The following SAMD5 variants were observed in gnomAD, a reference collection of about 807,000 sequenced individuals.
SAMD5 encodes the protein sterile alpha motif domain containing 5.
A neutral mutation model predicts 11.3 loss-of-function variants in SAMD5; 13 were observed. The ratio of observed to expected loss-of-function variants is 1.15; its 90% CI spans 0.75 to 1.83. The LOEUF (loss-of-function observed/expected upper bound fraction) is 1.83, where lower values mean the gene tolerates loss of function less well. SAMD5 is among the 40% of genes most tolerant of loss of function. The pLI is 0.00. For synonymous variants in SAMD5, 129 were observed against 111.3 expected, an observed-to-expected ratio of 1.16 and a Z score of -1.00; for missense variants, 255 against 239.1, an observed-to-expected ratio of 1.07 and a Z score of -0.44.
chr6:147,848,937 A>G, the SAMD5 span, among the ~76,000 whole-genome samples: 1 of 151,772 alleles, frequency 6.6e-6, no homozygotes, highest in Non-Finnish European at 1.5e-5. Flanking sequence ...TCTTTAGCTC[A>G]GGGACTGGCA....
chr6:147,604,842 C>A (rs942201831), intron 1 of SAMD5, among the ~76,000 whole-genome samples: 18 of 152,064 alleles, frequency 1.2e-4, no homozygotes, highest in African/African-American at 4.1e-4. Flanking sequence ...CAGGGTATAC[C>A]TTATTGGATT....
chr6:147,614,951 T>G (rs1789843390), intron 1 of SAMD5, among the ~76,000 whole-genome samples: 1 of 152,038 alleles, frequency 6.6e-6, no homozygotes, highest in Non-Finnish European at 1.5e-5. Context: ...TTGTCATTAT[T>G]ATGTTATAAA....
At chr6:147,540,185 A>T (rs1233669794) in intron 1 of SAMD5, among the ~76,000 whole-genome samples, 1 of 152,172 alleles carries the variant, frequency 6.6e-6, no homozygotes, top group African/African-American at 2.4e-5. Flanking sequence ...TAGGGGGGAA[A>T]ACCTCAATAA....
the SAMD5 span, among the ~76,000 whole-genome samples, chr6:147,816,302 ATATATATATATATAT>A: frequency 6.9e-5 from 3 of 43,230 alleles, no homozygotes; most frequent in Non-Finnish European, 1.1e-4. Flanking sequence ...AAAAAAAAAA[ATATATATATATATAT>A]ATATATATAT....
chr6:147,572,032 T>G (rs180798414), downstream of SAMD5, among the ~76,000 whole-genome samples: 1 of 152,230 alleles, frequency 6.6e-6, no homozygotes, highest in East Asian at 1.9e-4. Flanking sequence ...ACATCTGGTT[T>G]GTCCCACTGG....
At chr6:147,731,181 G>A (rs919609531) in intron 1 of SAMD5, among the ~76,000 whole-genome samples, 1 of 152,066 alleles carries the variant, frequency 6.6e-6, no homozygotes, top group Non-Finnish European at 1.5e-5. Flanking sequence ...ATGGAACCAG[G>A]TCCGAGCCCA....
chr6:147,784,198 GA>G, the SAMD5 span, among the ~76,000 whole-genome samples: 19 of 132,636 alleles, frequency 1.4e-4, no homozygotes, highest in South Asian at 1.9e-3. Context: ...TAAATTAAGG[GA>G]ATTTTTTTTT....
the SAMD5 span, among the ~76,000 whole-genome samples, chr6:147,837,938 C>G: frequency 1.3e-5 from 2 of 151,860 alleles, no homozygotes; most frequent in South Asian, 4.1e-4. Context: ...AACTCCCATG[C>G]CTCCACAGTG....
the SAMD5 span, among the ~76,000 whole-genome samples, chr6:147,854,245 C>T: frequency 2.0e-5 from 3 of 151,976 alleles, no homozygotes; most frequent in Non-Finnish European, 4.4e-5. Flanking sequence ...GGGACTGGAC[C>T]AACTGTTCTT....
chr6:147,905,343 G>A, the SAMD5 span, among the ~76,000 whole-genome samples: 10 of 151,900 alleles, frequency 6.6e-5, no homozygotes, highest in East Asian at 1.9e-4. Context: ...CACCATGCCC[G>A]GCTATTTTTT....
chr6:147,583,389 T>TTACC (rs1354153597), intron 1 of SAMD5, among the ~76,000 whole-genome samples: 1 of 152,258 alleles, frequency 6.6e-6, no homozygotes, highest in African/African-American at 2.4e-5. Context: ...GCCTTTGAGC[T>TTACC]TACCACATTC....
At chr6:147,914,641 G>A in the SAMD5 span, among the ~76,000 whole-genome samples, 1 of 152,094 alleles carries the variant, frequency 6.6e-6, no homozygotes, top group Non-Finnish European at 1.5e-5. Context: ...TAAATGTAGG[G>A]GAAAATTTTG....
downstream of SAMD5, among the ~76,000 whole-genome samples, chr6:147,574,431 A>G (rs142060306): frequency 3.3e-5 from 5 of 152,106 alleles, no homozygotes; most frequent in African/African-American, 9.7e-5. Context: ...TTCTGTAGGG[A>G]CTAAACTTAA....
intron 1 of SAMD5, among the ~76,000 whole-genome samples, chr6:147,647,361 T>C (rs947323809): frequency 6.6e-6 from 1 of 151,980 alleles, no homozygotes; most frequent in Non-Finnish European, 1.5e-5. Context: ...TTAAGTTTTC[T>C]GGTTTAATTA....
At chr6:147,538,737 G>A (rs969017647) in intron 1 of SAMD5, among the ~76,000 whole-genome samples, 8 of 152,066 alleles carry the variant, frequency 5.3e-5, no homozygotes, top group African/African-American at 7.3e-5. Context: ...TTAGCAAATC[G>A]GATATCTGAC....
At chr6:147,770,127 A>G in the SAMD5 span, among the ~76,000 whole-genome samples, 1 of 152,196 alleles carries the variant, frequency 6.6e-6, no homozygotes, top group Non-Finnish European at 1.5e-5. Context: ...GGGGATTATG[A>G]TCAGATCAGC....
intron 1 of SAMD5, among the ~76,000 whole-genome samples, chr6:147,629,063 G>A (rs1186491113): frequency 6.6e-6 from 1 of 152,134 alleles, no homozygotes; most frequent in African/African-American, 2.4e-5. Context: ...GGCCAAGGTG[G>A]GAGGATCACC....
the SAMD5 span, among the ~76,000 whole-genome samples, chr6:147,895,051 T>G: frequency 6.6e-6 from 1 of 152,244 alleles, no homozygotes; most frequent in Non-Finnish European, 1.5e-5. Flanking sequence ...AAAGCTTGAT[T>G]AGTTAAAAAC....
chr6:147,909,316 C>T, the SAMD5 span, among the ~76,000 whole-genome samples: 7 of 152,310 alleles, frequency 4.6e-5, no homozygotes, highest in African/African-American at 1.2e-4. Flanking sequence ...GAAGAATCTA[C>T]ACTAAATTCG....
Sources: allele counts gnomAD v4.1 joint callset (sites outside exome capture counted in the v4.1 genomes callset), GRCh38; gene constraint gnomAD v4.1.1; transcripts MANE v1.5; gene names NCBI Gene and HGNC (gene_info 2026-07-23, HGNC 2026-07-21).